MELK: variants seen among roughly 807,000 people sequenced by gnomAD.
MELK encodes maternal embryonic leucine zipper kinase.
Under a neutral mutation model 85.0 loss-of-function variants are expected in MELK, and 81 were observed. The ratio of observed to expected loss-of-function variants is 0.95; its 90% CI spans 0.80 to 1.15. MELK has a LOEUF of 1.15. MELK is among the 50% of genes most tolerant of loss of function. The pLI, the probability that MELK is intolerant of heterozygous loss-of-function variation, is 0.00. For missense variants in MELK, 754 were observed against 777.5 expected, an observed-to-expected ratio of 0.97 and a Z score of 0.36; for synonymous variants, 252 against 265.0, an observed-to-expected ratio of 0.95 and a Z score of 0.48.
intron 5 of MELK, among the ~76,000 whole-genome samples, chr9:36,595,642 G>C (rs1358710959): frequency 7.6e-6 from 1 of 132,428 alleles, no homozygotes; most frequent in Non-Finnish European, 1.6e-5. Context: ...ATCTCACTCT[G>C]TCACCCAGGC....
At chr9:36,575,127 C>T (rs945864181) in intron 1 of MELK, among the ~76,000 whole-genome samples, 4 of 152,092 alleles carry the variant, frequency 2.6e-5, no homozygotes, top group Non-Finnish European at 4.4e-5. Context: ...AGCAAGACTC[C>T]GTCTCAAAAA....
At chr9:36,643,195 C>CA in intron 11 of MELK, 112 bp downstream of exon 11, 2 of 771,218 alleles carry the variant, frequency 2.6e-6, no homozygotes, top group Non-Finnish European at 4.0e-6. Context: ...CCAGCCTGGC[C>CA]AATGTGGTGA....
chr9:36,676,568 A>T (rs1833366428), intron 17 of MELK, among the ~76,000 whole-genome samples: 1 of 152,140 alleles, frequency 6.6e-6, no homozygotes, highest in South Asian at 2.1e-4. Flanking sequence ...CGTTTCAGTT[A>T]TGGGAATATA....
chr9:36,622,669 A>C (rs1827556486), intron 8 of MELK, among the ~76,000 whole-genome samples: 1 of 152,348 alleles, frequency 6.6e-6, no homozygotes, highest in African/African-American at 2.4e-5. Context: ...AGTAGTTTGA[A>C]AATAAAATTG....
At chr9:36,607,474 T>C in intron 7 of MELK, 101 bp from the exon 8 acceptor site, 1 of 865,512 alleles carries the variant, frequency 1.2e-6, no homozygotes. Context: ...AGTTCTTTTT[T>C]AGCTTTGCGA....
intron 5 of MELK, among the ~76,000 whole-genome samples, chr9:36,595,508 A>C (rs1242304417): frequency 1.3e-5 from 2 of 152,000 alleles, no homozygotes; most frequent in Non-Finnish European, 2.9e-5. Context: ...CTGGGATTAC[A>C]GGTATGAGCC....
intron 10 of MELK, 47 bp from the exon 11 acceptor site, chr9:36,642,950 T>C: frequency 7.4e-7 from 1 of 1,344,644 alleles, no homozygotes; most frequent in Non-Finnish European, 1.0e-6. Flanking sequence ...AAACATTGAA[T>C]ATATTTGTAA....
chr9:36,632,569 C>T (rs7863184), intron 9 of MELK, among the ~76,000 whole-genome samples: 5,961 of 152,150 alleles, frequency 0.039, 325 homozygotes, highest in African/African-American at 0.11. Flanking sequence ...ACCAAATCTC[C>T]GTAATGAGAT....
intron 1 of MELK, among the ~76,000 whole-genome samples, chr9:36,574,603 A>G (rs778981144): frequency 6.6e-6 from 1 of 152,100 alleles, no homozygotes; most frequent in Non-Finnish European, 1.5e-5. Flanking sequence ...ACCCTGTCTC[A>G]AGCAAATAAA....
At chr9:36,581,860 C>T in intron 2 of MELK, 121 bp downstream of exon 2, 1 of 687,550 alleles carries the variant, frequency 1.5e-6, no homozygotes, top group Middle Eastern at 3.0e-4. Context: ...CTACCTACTT[C>T]AGTAAGAAAA....
chr9:36,589,563 A>AT lies in MELK; in HGVS notation c.174dup (p.Glu59Ter). 6.2e-7 allele frequency: 1 copy of AT among 1,614,004 alleles called. No homozygotes were observed. Among genetic ancestry groups the AT allele is most frequent in the South Asian group, 1.1e-5 (1 of 91,072 alleles). ...TGATTTGCCCCGGATCAAAACGGAGATTGAGGCCTTGAAGAACCTGAGACA... is the reference window on the plus strand; with the variant it reads ...TGATTTGCCCCGGATCAAAACGGAGATTTGAGGCCTTGAAGAACCTGAGACA... On this transcript the variant is annotated frameshift_variant, in exon 4 of 18. Transcript: ENST00000298048. LOFTEE classifies it high-confidence loss of function.
chr9:36,579,306 C>T (rs965501770), intron 1 of MELK, among the ~76,000 whole-genome samples: 2 of 152,148 alleles, frequency 1.3e-5, no homozygotes, highest in African/African-American at 4.8e-5. Context: ...GGATTACAGG[C>T]ATGAGCCACC....
At chr9:36,651,348 T>C (rs1487343793) in intron 11 of MELK, among the ~76,000 whole-genome samples, 2 of 152,156 alleles carry the variant, frequency 1.3e-5, no homozygotes, top group Non-Finnish European at 2.9e-5. Flanking sequence ...TAGCTAAACA[T>C]TGTGATAAAA....
rs10972997 is a variant in MELK, at chr9:36,615,564, G to C, written c.666+7891G>C. Reference sequence around the variant, plus strand: ...ACGCTCCTCACTTCCCAGATGGGGTGGCTGCTGGGCGGAGAGGCTCCTCAC... The same window carrying C: ...ACGCTCCTCACTTCCCAGATGGGGTCGCTGCTGGGCGGAGAGGCTCCTCAC... On this transcript the variant is annotated intron_variant, in intron 8 of 17. Coordinates refer to ENST00000298048, the MANE Select transcript of MELK (RefSeq NM_014791.4). Among the ~76,000 whole-genome samples, 4 of 135,496 alleles carry C rather than the reference G, an allele frequency of 3.0e-5. No individual in the cohort carries two copies. The East Asian group carries it at 6.2e-4, about 21-fold the overall frequency. 88.9% of individuals were successfully genotyped at this position (135,496 alleles called of 152,430 possible).
chr9:36,634,289 T>C (rs895350845), intron 10 of MELK, among the ~76,000 whole-genome samples: 7 of 152,222 alleles, frequency 4.6e-5, no homozygotes, highest in African/African-American at 1.7e-4. Flanking sequence ...TGACAACAAA[T>C]ATGTCATTCT....
chr9:36,637,066 T>C (rs1017117258), intron 10 of MELK, among the ~76,000 whole-genome samples: 5 of 151,812 alleles, frequency 3.3e-5, no homozygotes, highest in African/African-American at 1.2e-4. Context: ...TCTCCTGACC[T>C]TGTTATCCGC....
intron 1 of MELK, among the ~76,000 whole-genome samples, chr9:36,574,130 G>C (rs375970527): frequency 1.3e-5 from 2 of 152,084 alleles, no homozygotes; most frequent in Non-Finnish European, 2.9e-5. Context: ...CTGGGCCTTC[G>C]TGGGCTTGTT....
chr9:36,652,042 A>ATTTTTTTTTT (rs11465173), intron 12 of MELK, among the ~76,000 whole-genome samples, 165 bp downstream of exon 12: 3 of 91,394 alleles, frequency 3.3e-5, no homozygotes, highest in African/African-American at 4.1e-5. Context: ...TTGAACTCTA[A>ATTTTTTTTTT]TTTTTTTTTT....
At chr9:36,581,217 T>A (rs1822207982) in intron 1 of MELK, among the ~76,000 whole-genome samples, 1 of 152,050 alleles carries the variant, frequency 6.6e-6, no homozygotes, top group Non-Finnish European at 1.5e-5. Flanking sequence ...TTATTTTTTT[T>A]ATAGATGTGG....
Sources: gnomAD v4.1 joint callset for allele counts (sites outside exome capture counted in the v4.1 genomes callset) on GRCh38, gnomAD v4.1.1 for gene constraint, MANE v1.5 for transcripts, NCBI Gene and HGNC (gene_info 2026-07-23, HGNC 2026-07-21) for gene names.